Variants in CDC73 observed in about 807,000 individuals in gnomAD.
CDC73 encodes the protein parafibromin.
A neutral mutation model predicts 83.7 loss-of-function variants in CDC73; 21 were observed. The ratio of observed to expected loss-of-function variants is 0.25; its 90% CI spans 0.18 to 0.36. CDC73 has a LOEUF of 0.36. Among genes scored for constraint, CDC73 ranks in the 10% least tolerant of loss-of-function variants. The pLI is 1.00. For missense variants in CDC73, 342 were observed against 653.3 expected (o/e 0.52, Z 5.19); for synonymous variants, 224 against 212.9 (o/e 1.05, Z -0.45).
intron 15 of CDC73, among the ~76,000 whole-genome samples, chr1:193,243,294 T>C (rs1364801260): frequency 6.6e-6 from 1 of 152,188 alleles, no homozygotes; most frequent in Non-Finnish European, 1.5e-5. Flanking sequence ...TTTTTCTGAA[T>C]AGGAAAGATT....
intron 9 of CDC73, among the ~76,000 whole-genome samples, chr1:193,150,701 T>C (rs1676089743): frequency 6.6e-6 from 1 of 152,224 alleles, no homozygotes; most frequent in Non-Finnish European, 1.5e-5. Flanking sequence ...TAGCATGGAT[T>C]CTGGATCCAG....
At chr1:193,196,105 A>G (rs1259822567) in intron 10 of CDC73, among the ~76,000 whole-genome samples, 1 of 152,142 alleles carries the variant, frequency 6.6e-6, no homozygotes, top group African/African-American at 2.4e-5. Flanking sequence ...GTTTTCTTCT[A>G]AGAGTTTTAT....
At chr1:193,164,663 T>C (rs1349462996) in intron 10 of CDC73, among the ~76,000 whole-genome samples, 1 of 152,186 alleles carries the variant, frequency 6.6e-6, no homozygotes, top group Non-Finnish European at 1.5e-5. Flanking sequence ...AAAGGACTTG[T>C]TGCAAGTCCA....
chr1:193,189,389 A>C (rs181650237), intron 10 of CDC73, among the ~76,000 whole-genome samples: 266 of 152,370 alleles, frequency 1.7e-3, no homozygotes, highest in Middle Eastern at 3.4e-3. Context: ...GAGAAACTGT[A>C]AAAATCTTAT....
chr1:193,180,732 A>G (rs768145147), intron 10 of CDC73: 2 of 1,614,106 alleles, frequency 1.2e-6, no homozygotes, highest in Admixed American at 1.7e-5. Flanking sequence ...AACCAGTGAA[A>G]TAGTTATGTC....
In CDC73 at chr1:193,200,785, G is replaced by A. The variant is rs183754621; in HGVS notation, c.973-3010G>A. ...TGTGTGTGTGTGTGTGCGCGCGTGCGTATAGCCTTTGAAAAATGACTTCAC... is the reference window on the plus strand; with the variant it reads ...TGTGTGTGTGTGTGTGCGCGCGTGCATATAGCCTTTGAAAAATGACTTCAC... On this transcript the variant is annotated intron_variant, in intron 10 of 16. Coordinates refer to ENST00000367435, the MANE Select transcript of CDC73 (RefSeq NM_024529.5). Among the ~76,000 whole-genome samples, 6 of 152,120 alleles carry A rather than the reference G, an allele frequency of 3.9e-5. No homozygotes were observed. In the East Asian group the frequency reaches 5.8e-4, roughly 15 times the overall value.
chr1:193,221,369 A>G (rs1415542518), intron 13 of CDC73, among the ~76,000 whole-genome samples: 1 of 151,604 alleles, frequency 6.6e-6, no homozygotes, highest in Admixed American at 6.6e-5. Flanking sequence ...GCTTCATTAC[A>G]CTTGGTATTG....
At chr1:193,240,514 G>T (rs920095073) in intron 15 of CDC73, among the ~76,000 whole-genome samples, 3 of 152,146 alleles carry the variant, frequency 2.0e-5, no homozygotes, top group African/African-American at 7.2e-5. Context: ...ATCCTTGCCA[G>T]CATCTGTTAC....
chr1:193,218,635 A>T (rs1417349948), intron 13 of CDC73, among the ~76,000 whole-genome samples: 1 of 152,218 alleles, frequency 6.6e-6, no homozygotes. Context: ...CTGCTTTTTG[A>T]CAAAGTCGAC....
At chr1:193,242,177 G>A (rs1435368194) in intron 15 of CDC73, among the ~76,000 whole-genome samples, 1 of 152,212 alleles carries the variant, frequency 6.6e-6, no homozygotes, top group Non-Finnish European at 1.5e-5. Flanking sequence ...CCCCAGGGTA[G>A]GATGCAGTCT....
In CDC73 at chr1:193,251,159, A is replaced by C. The variant is rs749503658; in HGVS notation, c.*447A>C. The C allele has an allele frequency of 4.1e-6, 1 of 246,440 alleles. No individual in the cohort carries two copies. Among genetic ancestry groups the C allele is most frequent in the Non-Finnish European group, 8.0e-6 (1 of 125,516 alleles). 15.3% of individuals were successfully genotyped at this position (246,440 alleles called of 1,614,324 possible). ...CAAAACCAAGCAAAGGGATGTGACT[A>C]TTTTGAATGAATCAGAATGTCAACT... On this transcript the variant is annotated 3_prime_UTR_variant, in exon 17 of 17. Coordinates refer to ENST00000367435, the MANE Select transcript of CDC73 (RefSeq NM_024529.5).
At position 193,138,074 on chromosome 1, in the gene CDC73, G is replaced by C. The variant is rs1188223298; in HGVS notation, c.424-11G>C. 3.7e-6 allele frequency: 6 copies of C among 1,605,032 alleles called. No individual in the cohort carries two copies. In the African/African-American group the frequency reaches 8.0e-5, roughly 21 times the overall value. ...AAAATTTTAAATGCATTAACCAGTG[G>C]TTATTTCCAGGATGAAGAGTGTGTG... On this transcript the variant is annotated splice_polypyrimidine_tract_variant and intron_variant, in intron 5 of 16. Transcript: ENST00000367435.
intron 10 of CDC73, among the ~76,000 whole-genome samples, chr1:193,156,766 G>A (rs1371824592): frequency 2.0e-5 from 3 of 152,108 alleles, no homozygotes; most frequent in Non-Finnish European, 4.4e-5. Context: ...CAGCTCTGCA[G>A]ATAATGGAGA....
chr1:193,172,047 A>G (rs531374205), intron 10 of CDC73, among the ~76,000 whole-genome samples: 37 of 151,974 alleles, frequency 2.4e-4, no homozygotes, highest in Admixed American at 4.6e-4. Context: ...GCGTCAGCCT[A>G]CCCAGTAGCT....
At chr1:193,143,738 G>A (rs991576546) in intron 7 of CDC73, among the ~76,000 whole-genome samples, 1 of 152,094 alleles carries the variant, frequency 6.6e-6, no homozygotes, top group African/African-American at 2.4e-5. Flanking sequence ...AGCCCTGTGG[G>A]TTTTAGATAG....
intron 11 of CDC73, among the ~76,000 whole-genome samples, chr1:193,204,414 C>T (rs563778163): frequency 2.6e-5 from 4 of 151,550 alleles, no homozygotes; most frequent in Non-Finnish European, 4.4e-5. Context: ...CTCAGCCTCC[C>T]AAGTAGCTGG....
At chr1:193,202,634 T>G (rs1354680236) in intron 10 of CDC73, among the ~76,000 whole-genome samples, 1 of 140,186 alleles carries the variant, frequency 7.1e-6, no homozygotes, top group Non-Finnish European at 1.6e-5. Context: ...TTTTTTTTCC[T>G]TCTTGGAGTT....
chr1:193,188,895 A>T (rs1676871278), intron 10 of CDC73, among the ~76,000 whole-genome samples: 1 of 152,066 alleles, frequency 6.6e-6, no homozygotes, highest in Admixed American at 6.5e-5. Flanking sequence ...CTATGTACTT[A>T]ACTGGAATTT....
chr1:193,250,727 C>G lies in CDC73; in HGVS notation c.*15C>G. 1 of 1,603,410 alleles carries G rather than the reference C, an allele frequency of 6.2e-7. No individual in the cohort carries two copies. The highest frequency in any genetic ancestry group is 2.2e-5 in the East Asian group (1 of 44,640). On this transcript the variant is annotated 3_prime_UTR_variant, in exon 17 of 17. Coordinates refer to ENST00000367435, the MANE Select transcript of CDC73 (RefSeq NM_024529.5). ...TGAGATTCTGAATTATTTGGCTCCTCCATTTCTGGAAATTGAGACTCAAGC... is the reference window on the plus strand; with the variant it reads ...TGAGATTCTGAATTATTTGGCTCCTGCATTTCTGGAAATTGAGACTCAAGC...
Sources: gnomAD v4.1 joint callset for allele counts (sites outside exome capture counted in the v4.1 genomes callset) on GRCh38, gnomAD v4.1.1 for gene constraint, MANE v1.5 for transcripts, NCBI Gene and HGNC (gene_info 2026-07-23, HGNC 2026-07-21) for gene names.